The following DTNA variants were observed in gnomAD, a reference collection of about 807,000 sequenced individuals.
DTNA encodes the protein dystrophin-related protein 3.
DTNA carries 43 observed loss-of-function variants against 100.7 expected under a neutral mutation model. The observed-to-expected ratio is 0.43, with a 90% CI of 0.33 to 0.55. DTNA has a LOEUF of 0.55. DTNA is among the 20% of genes least tolerant of loss of function. The pLI, the probability that DTNA is intolerant of heterozygous loss-of-function variation, is 0.04. For synonymous variants in DTNA, 349 were observed against 347.9 expected (o/e 1.00, Z -0.04); for missense variants, 798 against 953.9 (o/e 0.84, Z 2.15).
At chr18:34,666,561 C>T (rs528443543) in intron 1 of DTNA, among the ~76,000 whole-genome samples, 8 of 152,202 alleles carry the variant, frequency 5.3e-5, no homozygotes, top group Admixed American at 2.0e-4. Context: ...TTAGGTCTAA[C>T]GTTTAAGTCT....
At position 34,756,054 on chromosome 18, in the gene DTNA, A is replaced by AG; in HGVS notation, c.67+11_67+12insG. ...TGTTTGCAGAGATGAGTAAGTATGG[A>AG]TCTTTTAAGGAACACCCTATAGTTT... On this transcript the variant is annotated intron_variant, in intron 2 of 22. Coordinates refer to ENST00000444659, the MANE Select transcript of DTNA (RefSeq NM_001386795.1). 1 of 1,612,136 alleles carries AG rather than the reference A, an allele frequency of 6.2e-7. No homozygotes were observed. The highest frequency in any genetic ancestry group is 8.5e-7 in the Non-Finnish European group (1 of 1,178,922).
At chr18:34,882,596 C>A (rs2096883827) in intron 21 of DTNA, among the ~76,000 whole-genome samples, 1 of 152,050 alleles carries the variant, frequency 6.6e-6, no homozygotes, top group African/African-American at 2.4e-5. Flanking sequence ...TCTTGAACTC[C>A]TGACCTCGCG....
chr18:34,639,325 A>G (rs1011883990), intron 1 of DTNA, among the ~76,000 whole-genome samples: 1 of 152,218 alleles, frequency 6.6e-6, no homozygotes, highest in Non-Finnish European at 1.5e-5. Flanking sequence ...TCCAGTTGTG[A>G]CAACCAAAAC....
chr18:34,862,970 G>A (rs1231317733), intron 16 of DTNA, among the ~76,000 whole-genome samples: 1 of 151,840 alleles, frequency 6.6e-6, no homozygotes, highest in Non-Finnish European at 1.5e-5. Flanking sequence ...TGCTATCATT[G>A]AGACTAGCCA....
At chr18:34,580,024 G>A (rs1458978210) in intron 1 of DTNA, among the ~76,000 whole-genome samples, 1 of 151,340 alleles carries the variant, frequency 6.6e-6, no homozygotes, top group Non-Finnish European at 1.5e-5. Context: ...TTTTTCTCTA[G>A]TGTTTCAGTT....
chr18:34,721,349 A>G (rs1334111530), intron 1 of DTNA, among the ~76,000 whole-genome samples: 1 of 152,166 alleles, frequency 6.6e-6, no homozygotes, highest in Non-Finnish European at 1.5e-5. Context: ...GTTTATGTAC[A>G]CAGTAGGTAT....
At position 34,887,943 on chromosome 18, in the gene DTNA, T is replaced by A; in HGVS notation, c.*209T>A. 1 of 986,206 alleles carries A rather than the reference T, an allele frequency of 1.0e-6. No individual in the cohort carries two copies. The highest frequency in any genetic ancestry group is 1.2e-6 in the Non-Finnish European group (1 of 829,932). The allele number at this position is 986,206 out of a possible 1,614,324, so 61.1% of individuals were successfully genotyped here. On this transcript the variant is annotated 3_prime_UTR_variant, in exon 23 of 23. Coordinates refer to ENST00000444659, the MANE Select transcript of DTNA (RefSeq NM_001386795.1). Reference sequence around the variant, plus strand: ...CCCTAAAGATGTGTCCTGATGACTATAGTGCAGCTAACTTTTTGTTCTCAG... The same window carrying A: ...CCCTAAAGATGTGTCCTGATGACTAAAGTGCAGCTAACTTTTTGTTCTCAG...
At chr18:34,510,622 C>CTT (rs1027138316) in intron 1 of DTNA, among the ~76,000 whole-genome samples, 134 of 92,778 alleles carry the variant, frequency 1.4e-3, no homozygotes, top group African/African-American at 2.8e-3. Context: ...ACTGGCCATT[C>CTT]TTTTTTTTTT....
At chr18:34,706,042 G>C (rs1335537320), upstream of DTNA, among the ~76,000 whole-genome samples, 1 of 152,136 alleles carries the variant, frequency 6.6e-6, no homozygotes, top group African/African-American at 2.4e-5. Context: ...CCGCCTCCCA[G>C]GTACAAGCGA....
chr18:34,697,031 C>T (rs2080669242), intron 1 of DTNA, among the ~76,000 whole-genome samples: 1 of 152,162 alleles, frequency 6.6e-6, no homozygotes, highest in Non-Finnish European at 1.5e-5. Flanking sequence ...TACTAACAAT[C>T]TACGATGCTC....
At chr18:34,677,019 G>C (rs1291534068) in intron 1 of DTNA, among the ~76,000 whole-genome samples, 1 of 152,110 alleles carries the variant, frequency 6.6e-6, no homozygotes, top group Admixed American at 6.6e-5. Context: ...AAGAATTGAG[G>C]GTATTCAGCT....
In DTNA at chr18:34,723,545, T is replaced by C. The variant is rs374272209; in HGVS notation, c.-2+13100T>C. Among the ~76,000 whole-genome samples, 6 of 152,266 alleles carry C rather than the reference T, an allele frequency of 3.9e-5. No homozygotes were observed. In the East Asian group the frequency reaches 7.7e-4, roughly 20 times the overall value. Reference sequence around the variant, plus strand: ...ACCTAAATATAATTTGTGCAAAATATGTAGGAGAATACAAAGGCAATAAAA... The same window carrying C: ...ACCTAAATATAATTTGTGCAAAATACGTAGGAGAATACAAAGGCAATAAAA... On this transcript the variant is annotated intron_variant, in intron 1 of 22. Coordinates refer to ENST00000444659, the MANE Select transcript of DTNA (RefSeq NM_001386795.1).
chr18:34,652,611 G>A (rs1250470397), intron 1 of DTNA, among the ~76,000 whole-genome samples: 1 of 152,122 alleles, frequency 6.6e-6, no homozygotes. Context: ...AACATATAGA[G>A]GGTGCCATGC....
intron 1 of DTNA, among the ~76,000 whole-genome samples, chr18:34,665,282 A>T (rs930689019): frequency 6.6e-6 from 1 of 152,142 alleles, no homozygotes; most frequent in Non-Finnish European, 1.5e-5. Context: ...CAACAACAAC[A>T]AAATATTAAG....
In DTNA at chr18:34,715,741, G is replaced by C. The variant is rs191815161; in HGVS notation, c.-2+5296G>C. Among the ~76,000 whole-genome samples, 9 of 152,074 alleles carry C rather than the reference G, an allele frequency of 5.9e-5. No homozygotes were observed. The East Asian group carries it at 1.7e-3, about 29-fold the overall frequency. Reference sequence around the variant, plus strand: ...GTAATATGAAAACTTACTCCTTCTAGAATATGTTATATACAAAATTAAAAA... The same window carrying C: ...GTAATATGAAAACTTACTCCTTCTACAATATGTTATATACAAAATTAAAAA... On this transcript the variant is annotated intron_variant, in intron 1 of 22. Transcript: ENST00000444659.
intron 4 of DTNA, among the ~76,000 whole-genome samples, chr18:34,798,619 G>T (rs770682989): frequency 2.0e-5 from 3 of 152,122 alleles, no homozygotes; most frequent in Non-Finnish European, 2.9e-5. Flanking sequence ...CTCTAGCCTT[G>T]TTTTTAGCAA....
intron 4 of DTNA, among the ~76,000 whole-genome samples, chr18:34,802,038 T>A (rs1357827412): frequency 6.6e-6 from 1 of 152,198 alleles, no homozygotes; most frequent in Non-Finnish European, 1.5e-5. Flanking sequence ...CTCAAACACA[T>A]CTGGCTCTTT....
At chr18:34,688,978 GT>G (rs900264237) in intron 1 of DTNA, among the ~76,000 whole-genome samples, 1 of 152,022 alleles carries the variant, frequency 6.6e-6, no homozygotes, top group African/African-American at 2.4e-5. Context: ...CTGGTGCTGT[GT>G]TTTTCACCTC....
intron 1 of DTNA, among the ~76,000 whole-genome samples, chr18:34,693,295 A>G (rs2080043375): frequency 6.6e-6 from 1 of 152,300 alleles, no homozygotes; most frequent in Non-Finnish European, 1.5e-5. Flanking sequence ...TTTGCCATAG[A>G]TTATATCATA....
Sources: gnomAD v4.1 joint callset for allele counts (sites outside exome capture counted in the v4.1 genomes callset) on GRCh38, gnomAD v4.1.1 for gene constraint, MANE v1.5 for transcripts, NCBI Gene and HGNC (gene_info 2026-07-23, HGNC 2026-07-21) for gene names.